ADGRA1: variants seen among roughly 807,000 people sequenced by gnomAD.
ADGRA1 encodes the protein adhesion G protein-coupled receptor A1.
In ADGRA1, 12 loss-of-function variants were observed where a neutral mutation model predicts 21.3. That is an observed-to-expected ratio of 0.56 (90% confidence interval 0.36 to 0.91). The LOEUF (loss-of-function observed/expected upper bound fraction) is 0.91, where lower values mean the gene tolerates loss of function less well. Among genes scored for constraint, ADGRA1 ranks in the 40% least tolerant of loss-of-function variants. The pLI, the probability that ADGRA1 is intolerant of heterozygous loss-of-function variation, is 0.01. For synonymous variants in ADGRA1, 385 were observed against 368.8 expected (o/e 1.04, Z -0.50); for missense variants, 790 against 805.6 (o/e 0.98, Z 0.23).
chr10:133,128,211 C>T (rs1193823951), intron 6 of ADGRA1, 118 bp from the exon 7 acceptor site: 7 of 704,390 alleles, frequency 9.9e-6, no homozygotes, highest in African/African-American at 7.6e-5. Context: ...GCCCCCAAGC[C>T]GCAGCTGTGC....
Position 133,097,508 on chromosome 10 carries a change from G to T in ADGRA1, c.131+407G>T, listed in dbSNP as rs552978945. Among the ~76,000 whole-genome samples, 21 of 152,346 alleles carry T rather than the reference G, an allele frequency of 1.4e-4. 1 individual carries two copies. The highest frequency in any genetic ancestry group is 1.0e-3 in the Admixed American group (16 of 15,310). On this transcript the variant is annotated intron_variant, in intron 3 of 6. Coordinates refer to ENST00000392607, the MANE Select transcript of ADGRA1 (RefSeq NM_001083909.3). ...ATGAGGGTGTCCAGCCGCAGTCAGG[G>T]TGGGCATGCCCACAGCCAGTCATGG...
At chr10:133,097,796 G>C (rs1851713995) in intron 3 of ADGRA1, among the ~76,000 whole-genome samples, 1 of 152,214 alleles carries the variant, frequency 6.6e-6, no homozygotes, top group Non-Finnish European at 1.5e-5. Context: ...CCATGACGCT[G>C]TGTCTGGTGC....
intron 2 of ADGRA1, among the ~76,000 whole-genome samples, chr10:133,090,705 G>A (rs1851584204): frequency 1.3e-5 from 2 of 152,006 alleles, no homozygotes; most frequent in South Asian, 4.1e-4. Flanking sequence ...CTGCCCCACT[G>A]CTGTGCTCTG....
In ADGRA1 at chr10:133,096,729, G is replaced by A. The variant is rs191588847; in HGVS notation, c.4-245G>A. Among the ~76,000 whole-genome samples, 98 of 152,332 alleles carry A rather than the reference G, an allele frequency of 6.4e-4. No homozygotes were observed. In the East Asian group the frequency reaches 0.018, roughly 28 times the overall value. ...CACAAGGATGCCTTTGGCCAGCAGA[G>A]CCAGTGGAGGGCGAGGACAGACAGC... is the stretch of plus-strand genomic sequence containing the variant. On this transcript the variant is annotated intron_variant, in intron 2 of 6. Coordinates refer to ENST00000392607, the MANE Select transcript of ADGRA1 (RefSeq NM_001083909.3).
chr10:133,128,345 G>A lies in ADGRA1; in HGVS notation c.517G>A (p.Glu173Lys), dbSNP rs1324423879. 6.4e-7 allele frequency: 1 copy of A among 1,552,590 alleles called. No homozygotes were observed. The highest frequency in any genetic ancestry group is 8.7e-7 in the Non-Finnish European group (1 of 1,151,314). ...TCCCCACAGCTGCTGGATGGCCTGG[G>A]AGCCCAGCCTGGGCGCCTTCTACGG... is the stretch of plus-strand genomic sequence containing the variant. ...EDTAYCWMAW[E>K]PSLGAFYGPA... Residue 173 changes from glutamate (E) to lysine (K), a missense_variant, in exon 7 of 7, where the codon GAG (glutamate) becomes AAG (lysine). Transcript: ENST00000392607.
chr10:133,114,457 G>A (rs1394619822), intron 5 of ADGRA1, among the ~76,000 whole-genome samples: 1 of 152,156 alleles, frequency 6.6e-6, no homozygotes, highest in African/African-American at 2.4e-5. Flanking sequence ...GCATTGTGGT[G>A]CCGTCTGCAG....
chr10:133,093,377 G>T lies in ADGRA1; in HGVS notation c.4-3597G>T, dbSNP rs1851636233. 4.1e-6 allele frequency: 5 copies of T among 1,226,576 alleles called. No individual in the cohort carries two copies. The Admixed American group carries it at 1.3e-4, about 31-fold the overall frequency. 76.0% of individuals were successfully genotyped at this position (1,226,576 alleles called of 1,614,324 possible). On this transcript the variant is annotated intron_variant, in intron 2 of 6. Transcript: ENST00000392607. ...CTTGATTTGCAGAACACACCAAAGA[G>T]GAGACCTCCAATTAAAATGAGGGAA...
At chr10:133,119,912 C>A (rs1852224848) in intron 5 of ADGRA1, among the ~76,000 whole-genome samples, 1 of 152,238 alleles carries the variant, frequency 6.6e-6, no homozygotes, top group South Asian at 2.1e-4. Context: ...GTAGATTGAG[C>A]ATCATTCTTA....
intron 5 of ADGRA1, among the ~76,000 whole-genome samples, chr10:133,112,429 TCGGTTATTTGGGGTCTACGGGCCAC>T: frequency 3.6e-5 from 5 of 140,244 alleles, no homozygotes; most frequent in Admixed American, 2.2e-4. Context: ...GCGGGCCATG[TCGGTTATTTGGGGTCTACGGGCCAC>T]GTCAGTTATT....
chr10:133,098,136 C>A (rs929992995), intron 3 of ADGRA1, among the ~76,000 whole-genome samples: 21 of 152,306 alleles, frequency 1.4e-4, no homozygotes, highest in Admixed American at 1.2e-3. Context: ...GCGGGTCGGG[C>A]CCCAGACATG....
In ADGRA1 at chr10:133,095,609, TA is replaced by T. The variant is rs766026224; in HGVS notation, c.4-1364del. On this transcript the variant is annotated intron_variant, in intron 2 of 6. Coordinates refer to ENST00000392607, the MANE Select transcript of ADGRA1 (RefSeq NM_001083909.3). ...TGTTCGAACCCTGGGGCAGGGGCCC[TA>T]TTTCGGGCTTTGACTGTCAGCCAGT... is the stretch of plus-strand genomic sequence containing the variant. 5 of 1,561,226 alleles carry T rather than the reference TA, an allele frequency of 3.2e-6. No homozygotes were observed. The East Asian group carries it at 1.2e-4, about 36-fold the overall frequency.
At chr10:133,096,445 T>A (rs1335588352) in intron 2 of ADGRA1, among the ~76,000 whole-genome samples, 2 of 152,200 alleles carry the variant, frequency 1.3e-5, no homozygotes, top group Non-Finnish European at 2.9e-5. Flanking sequence ...GGTCCAGGTC[T>A]GTTGGTGCCG....
chr10:133,121,639 G>A (rs921578146), intron 5 of ADGRA1, among the ~76,000 whole-genome samples: 5 of 149,146 alleles, frequency 3.4e-5, no homozygotes, highest in Admixed American at 1.3e-4. Flanking sequence ...GTGTGCCAGT[G>A]TGCGTGTGCA....
In ADGRA1 at chr10:133,112,620, G is replaced by T. The variant is rs546456599; in HGVS notation, c.401+9778G>T. On this transcript the variant is annotated intron_variant, in intron 5 of 6. Transcript: ENST00000392607. ...TTATTTGGAGTCTACGGGCTACGTCGGTTATTTGGGGTCTACGGGCCGCGT... is the reference window on the plus strand; with the variant it reads ...TTATTTGGAGTCTACGGGCTACGTCTGTTATTTGGGGTCTACGGGCCGCGT... Among the ~76,000 whole-genome samples the T allele has an allele frequency of 9.2e-5, 13 of 141,446 alleles. 1 individual carries two copies. Among genetic ancestry groups the T allele is most frequent in the African/African-American group, 3.5e-4 (13 of 37,596 alleles). The allele number at this position is 141,446 out of a possible 152,430, so 92.8% of individuals were successfully genotyped here. A position where few individuals can be genotyped will look rare whatever the true frequency, so the allele number is the denominator to read the frequency against.
At chr10:133,124,338 GC>G (rs1238827306) in intron 5 of ADGRA1, among the ~76,000 whole-genome samples, 1 of 152,194 alleles carries the variant, frequency 6.6e-6, no homozygotes, top group Non-Finnish European at 1.5e-5. Context: ...CTCCCGCTTT[GC>G]CCCTCCGGAC....
Position 133,120,337 on chromosome 10 carries a change from G to C in ADGRA1, c.402-6896G>C, listed in dbSNP as rs1345144483. ...GGAGAATCACTTGAACCTGGGAGGTGGAGGTTGCAGTGAGCCAAGATCATG... is the reference window on the plus strand; with the variant it reads ...GGAGAATCACTTGAACCTGGGAGGTCGAGGTTGCAGTGAGCCAAGATCATG... On this transcript the variant is annotated intron_variant, in intron 5 of 6. Coordinates refer to ENST00000392607, the MANE Select transcript of ADGRA1 (RefSeq NM_001083909.3). Among the ~76,000 whole-genome samples the C allele has an allele frequency of 3.3e-5, 5 of 152,282 alleles. No individual in the cohort carries two copies. The East Asian group carries it at 5.8e-4, about 18-fold the overall frequency.
intron 5 of ADGRA1, among the ~76,000 whole-genome samples, chr10:133,125,752 G>T (rs1852365696): frequency 6.6e-6 from 1 of 152,108 alleles, no homozygotes; most frequent in Non-Finnish European, 1.5e-5. Flanking sequence ...GTTTCTTATG[G>T]TTGCTCTAAT....
intron 2 of ADGRA1, 70 bp downstream of exon 2, chr10:133,088,982 G>A (rs1851553355): frequency 4.9e-6 from 6 of 1,234,930 alleles, no homozygotes; most frequent in Non-Finnish European, 5.1e-6. Context: ...CCACCCGTAT[G>A]GGGACTCCCA....
rs1422138786 is a variant in ADGRA1 at position 133,098,761 on chromosome 10, G to A, written c.253G>A (p.Ala85Thr). The A allele has an allele frequency of 6.2e-7, 1 of 1,610,668 alleles. No homozygotes were observed. Residue 85 changes from alanine (A) to threonine (T), a missense_variant and splice_region_variant, in exon 4 of 7, where the codon GCG becomes ACG. Coordinates refer to ENST00000392607, the MANE Select transcript of ADGRA1 (RefSeq NM_001083909.3). ...CACCAAGTACCCCATCCTGTGCCAG[G>A]CGGTGAGTGCCGGGGCGCCCTCGTT... is the stretch of plus-strand genomic sequence containing the variant. ...NRTKYPILCQAVGIVLHYSTL... is the reference protein window; with the variant it reads ...NRTKYPILCQTVGIVLHYSTL...
Sources: allele counts gnomAD v4.1 joint callset (sites outside exome capture counted in the v4.1 genomes callset), GRCh38; gene constraint gnomAD v4.1.1; transcripts MANE v1.5; gene names NCBI Gene and HGNC (gene_info 2026-07-23, HGNC 2026-07-21).